NEXMIF: variants seen among roughly 807,000 people sequenced by gnomAD.
NEXMIF encodes neurite extension and migration factor, also known as XLMR protein related to neurite extension.
Under a neutral mutation model 62.1 loss-of-function variants are expected in NEXMIF, and 8 were observed. The observed-to-expected ratio is 0.13, with a 90% CI of 0.08 to 0.23. The LOEUF is 0.23. NEXMIF is among the 10% of genes least tolerant of loss of function. The pLI is 1.00. For synonymous variants in NEXMIF, 404 were observed against 416.6 expected (o/e 0.97, Z 0.37); for missense variants, 976 against 1,113.3 (o/e 0.88, Z 1.75).
At chrX:74,785,390 G>A (rs757618236) in intron 1 of NEXMIF, among the ~76,000 whole-genome samples, 5 of 110,666 alleles carry the variant, frequency 4.5e-5, no homozygotes, top group African/African-American at 6.6e-5. Context: ...TGTGGTTAAG[G>A]GGTAGATAAA....
At chrX:74,747,457 A>C (rs1306848220) in intron 1 of NEXMIF, among the ~76,000 whole-genome samples, 2 of 110,734 alleles carry the variant, frequency 1.8e-5, no homozygotes, top group Non-Finnish European at 3.8e-5. Context: ...ACCAACTCCA[A>C]CCCCTGACTA....
chrX:74,825,715 TG>T (rs1237072168), intron 1 of NEXMIF, among the ~76,000 whole-genome samples: 1 of 111,835 alleles, frequency 8.9e-6, no homozygotes, highest in African/African-American at 3.2e-5. Context: ...CCATCATGTC[TG>T]GCTAATTTTT....
chrX:74,785,845 A>T (rs2080258857), intron 1 of NEXMIF, among the ~76,000 whole-genome samples: 1 of 112,607 alleles, frequency 8.9e-6, no homozygotes, highest in African/African-American at 3.2e-5. Context: ...AACACTCTGC[A>T]TTCATCTGTG....
chrX:74,787,873 TC>T (rs1484358661), intron 1 of NEXMIF, among the ~76,000 whole-genome samples: 1 of 111,482 alleles, frequency 9.0e-6, no homozygotes, highest in African/African-American at 3.3e-5. Context: ...GAAAGTACAC[TC>T]CTCAAACCTT....
intron 1 of NEXMIF, among the ~76,000 whole-genome samples, chrX:74,873,767 T>C (rs746280986): frequency 1.6e-4 from 18 of 112,491 alleles, no homozygotes; most frequent in Non-Finnish European, 3.8e-5. Context: ...TTTTCATGTG[T>C]TTTTTGGCTG....
intron 1 of NEXMIF, among the ~76,000 whole-genome samples, chrX:74,884,261 C>T (rs2080679896): frequency 1.8e-5 from 2 of 111,811 alleles, no homozygotes; most frequent in African/African-American, 6.5e-5. Context: ...AACCAGCTAA[C>T]ATCATAGTGA....
Position 74,742,894 on chromosome X carries a change from G to A in NEXMIF, c.1663C>T (p.Leu555=), listed in dbSNP as rs2080111970. 8.3e-7 allele frequency: 1 copy of A among 1,209,213 alleles called. No homozygotes were observed. The highest frequency in any genetic ancestry group is 1.1e-6 in the Non-Finnish European group (1 of 894,977). ...INRFKGEKNM[L]VKLGKVDASE... is the part of the protein sequence containing the mutation. ...GCATCCACCTTACCCAACTTCACCA[G>A]CATGTTCTTCTCACCTTTAAAGCGA... is the stretch of plus-strand genomic sequence containing the variant. Residue 555 remains leucine (L), a synonymous_variant, in exon 3 of 4, where the codon CTG becomes TTG. Transcript: ENST00000055682.
At chrX:74,877,626 A>C in intron 1 of NEXMIF, among the ~76,000 whole-genome samples, 1 of 111,554 alleles carries the variant, frequency 9.0e-6, no homozygotes, top group Non-Finnish European at 1.9e-5. Context: ...TTTCAGGTAC[A>C]CCAATCAGAC....
chrX:74,835,856 A>C (rs2080454593), intron 1 of NEXMIF, among the ~76,000 whole-genome samples: 1 of 112,007 alleles, frequency 8.9e-6, no homozygotes, highest in Non-Finnish European at 1.9e-5. Flanking sequence ...TCAGGGTGAC[A>C]AGTTCCTCCA....
intron 1 of NEXMIF, among the ~76,000 whole-genome samples, chrX:74,922,585 G>C (rs923635989): frequency 8.9e-6 from 1 of 111,872 alleles, no homozygotes; most frequent in Non-Finnish European, 1.9e-5. Context: ...ATTATGTTAT[G>C]TTAACAATAG....
intron 1 of NEXMIF, among the ~76,000 whole-genome samples, chrX:74,843,591 T>A (rs1395517898): frequency 1.8e-5 from 2 of 110,965 alleles, no homozygotes; most frequent in African/African-American, 6.5e-5. Flanking sequence ...ATTTTTTGTA[T>A]TTTTAGTAGA....
intron 1 of NEXMIF, among the ~76,000 whole-genome samples, chrX:74,823,282 G>A (rs1214084631): frequency 8.9e-6 from 1 of 111,848 alleles, no homozygotes; most frequent in Non-Finnish European, 1.9e-5. Flanking sequence ...TGGTTGCACA[G>A]TCCTGAAAAT....
chrX:74,858,924 A>T (rs1423122367), intron 1 of NEXMIF, among the ~76,000 whole-genome samples: 2 of 110,125 alleles, frequency 1.8e-5, no homozygotes, highest in African/African-American at 6.6e-5. Flanking sequence ...CAGAAGAAAG[A>T]ATTAGTAAGA....
intron 1 of NEXMIF, among the ~76,000 whole-genome samples, chrX:74,790,618 T>G (rs1367524755): frequency 8.8e-6 from 1 of 113,482 alleles, no homozygotes; most frequent in Non-Finnish European, 1.9e-5. Flanking sequence ...GCATGGAATG[T>G]TCTTCCATTT....
chrX:74,833,051 G>T (rs957414392), intron 1 of NEXMIF, among the ~76,000 whole-genome samples: 5 of 112,216 alleles, frequency 4.5e-5, no homozygotes, highest in South Asian at 3.6e-4. Context: ...CTATCCCTGA[G>T]AATGATCCAT....
chrX:74,838,060 T>C (rs1422197618), intron 1 of NEXMIF, among the ~76,000 whole-genome samples: 1 of 111,693 alleles, frequency 9.0e-6, no homozygotes, highest in East Asian at 2.8e-4. Flanking sequence ...GCAAGTGCCC[T>C]GGACTTACAA....
chrX:74,873,778 C>G (rs186221886), intron 1 of NEXMIF, among the ~76,000 whole-genome samples: 1 of 112,077 alleles, frequency 8.9e-6, no homozygotes, highest in Admixed American at 9.4e-5. Flanking sequence ...TTTTTGGCTG[C>G]ATAAATGTCT....
At chrX:74,886,893 C>G (rs1473316154) in intron 1 of NEXMIF, among the ~76,000 whole-genome samples, 1 of 107,573 alleles carries the variant, frequency 9.3e-6, no homozygotes, top group Non-Finnish European at 1.9e-5. Flanking sequence ...TACCTGACTT[C>G]AAACTATACT....
At chrX:74,871,146 T>C (rs930068708) in intron 1 of NEXMIF, among the ~76,000 whole-genome samples, 7 of 111,746 alleles carry the variant, frequency 6.3e-5, no homozygotes, top group African/African-American at 2.0e-4. Flanking sequence ...TAGGTTCTTT[T>C]CTATTTTCCC....
Sources: gnomAD v4.1 joint callset for allele counts (sites outside exome capture counted in the v4.1 genomes callset) on GRCh38, gnomAD v4.1.1 for gene constraint, MANE v1.5 for transcripts, NCBI Gene and HGNC (gene_info 2026-07-23, HGNC 2026-07-21) for gene names.